ALG12: variants seen among roughly 807,000 people sequenced by gnomAD.
ALG12 encodes dol-P-Man:Man(7)GlcNAc(2)-PP-Dol alpha-1,6-mannosyltransferase.
ALG12 carries 36 observed loss-of-function variants against 46.0 expected under a neutral mutation model. That is an observed-to-expected ratio of 0.78 (90% CI 0.60 to 1.03). The LOEUF is 1.03. ALG12 is among the 50% of genes least tolerant of loss of function. ALG12 has a pLI of 0.00. For missense variants in ALG12, 599 were observed against 633.5 expected, an observed-to-expected ratio of 0.95 and a Z score of 0.58; for synonymous variants, 326 against 291.6, an observed-to-expected ratio of 1.12 and a Z score of -1.20.
At chr22:49,910,997 G>A (rs1211643022) in intron 3 of ALG12, among the ~76,000 whole-genome samples, 2 of 152,228 alleles carry the variant, frequency 1.3e-5, no homozygotes, top group Non-Finnish European at 2.9e-5. Context: ...CCATGAGGAG[G>A]TGGGATGTGG....
chr22:49,876,670 G>T, the ALG12 span, among the ~76,000 whole-genome samples: 1 of 151,872 alleles, frequency 6.6e-6, no homozygotes. Flanking sequence ...ATACTCACCG[G>T]CAGTGCTTGC....
the ALG12 span, among the ~76,000 whole-genome samples, chr22:49,872,947 C>T: frequency 2.0e-5 from 3 of 152,158 alleles, no homozygotes; most frequent in Non-Finnish European, 2.9e-5. Flanking sequence ...CCACCCGCCT[C>T]GGCCTCCCAA....
At chr22:49,864,740 GGGCCCAGGAGTTTGAGGCTACA>G in the ALG12 span, among the ~76,000 whole-genome samples, 4 of 142,532 alleles carry the variant, frequency 2.8e-5, no homozygotes, top group South Asian at 4.7e-4. Flanking sequence ...AGGATTGCTT[GGGCCCAGGAGTTTGAGGCTACA>G]GTGAGCTGAG....
chr22:49,859,456 C>T, the ALG12 span, among the ~76,000 whole-genome samples: 5 of 152,102 alleles, frequency 3.3e-5, no homozygotes, highest in South Asian at 2.1e-4. Flanking sequence ...TCACTCCATA[C>T]GTGGTCCTGG....
At chr22:49,913,896 G>A (rs976982604) in intron 1 of ALG12, 53 bp from the exon 2 acceptor site, 79 of 1,195,160 alleles carry the variant, frequency 6.6e-5, no homozygotes, top group South Asian at 4.1e-4. Context: ...TTGCGCTCAC[G>A]TTTGGGAGAT....
chr22:49,897,374 G>A (rs2060487455), downstream of ALG12, among the ~76,000 whole-genome samples: 1 of 152,196 alleles, frequency 6.6e-6, no homozygotes, highest in Non-Finnish European at 1.5e-5. Flanking sequence ...CAGGGTAAGA[G>A]TATGCTTAGT....
chr22:49,864,962 G>C, the ALG12 span, among the ~76,000 whole-genome samples: 1 of 57,110 alleles, frequency 1.8e-5, no homozygotes. Context: ...CGTGAAGTCA[G>C]AAACCACGGA....
chr22:49,882,133 C>G, the ALG12 span, among the ~76,000 whole-genome samples: 1 of 152,208 alleles, frequency 6.6e-6, no homozygotes, highest in African/African-American at 2.4e-5. Context: ...TCGGGTTCAG[C>G]TCCTCCCTGT....
At chr22:49,888,643 T>C in the ALG12 span, 1 of 167,274 alleles carries the variant, frequency 6.0e-6, no homozygotes, top group South Asian at 2.1e-4. Flanking sequence ...AGGTCTCGTG[T>C]TCAAGTGGTG....
chr22:49,877,838 C>G, the ALG12 span, among the ~76,000 whole-genome samples: 18 of 152,278 alleles, frequency 1.2e-4, no homozygotes, highest in African/African-American at 4.3e-4. Flanking sequence ...CAGCACAGAC[C>G]TGCCCTTTGG....
At chr22:49,870,227 T>G in the ALG12 span, among the ~76,000 whole-genome samples, 2 of 152,246 alleles carry the variant, frequency 1.3e-5, no homozygotes, top group Admixed American at 6.5e-5. Flanking sequence ...AGTCCACCAT[T>G]GCTAGGCACG....
At position 49,905,147 on chromosome 22, in the gene ALG12, G is replaced by A. The variant is rs1016469925; in HGVS notation, c.993-641C>T. On this transcript the variant is annotated intron_variant, in intron 7 of 9. Coordinates refer to ENST00000330817, the MANE Select transcript of ALG12 (RefSeq NM_024105.4). This position sits in a 1 kb window ranked among gnomAD's most constrained non-coding sequence, Gnocchi z 4.9. ...AGTGAACTCTCTGGGACAGGGTGCC[G>A]CCGGTTCTCTCACAATCGACTATGC... 1.3e-5 allele frequency among the ~76,000 whole-genome samples: 2 copies of A among 152,098 alleles called. No homozygotes were observed. Among genetic ancestry groups the A allele is most frequent in the African/African-American group, 2.4e-5 (1 of 41,428 alleles).
intron 1 of ALG12, among the ~76,000 whole-genome samples, chr22:49,916,202 G>A (rs760536807): frequency 2.6e-5 from 4 of 152,082 alleles, no homozygotes; most frequent in African/African-American, 7.2e-5. Context: ...GCAGTGAGCC[G>A]AGATCGCGCC....
intron 3 of ALG12, among the ~76,000 whole-genome samples, chr22:49,913,075 T>C (rs1322360008): frequency 6.6e-6 from 1 of 152,218 alleles, no homozygotes; most frequent in Non-Finnish European, 1.5e-5. Context: ...GTTGACCCCA[T>C]GGGGGCTTGC....
rs1297618886 is a variant in ALG12, at chr22:49,917,967, G to GGCCCCAGGTGAGAGGTCCA, written c.-79+277_-79+295dup. Among the ~76,000 whole-genome samples the GGCCCCAGGTGAGAGGTCCA allele has an allele frequency of 2.0e-4, 28 of 139,900 alleles. 1 individual carries two copies. The highest frequency in any genetic ancestry group is 2.7e-4 in the Non-Finnish European group (17 of 63,842). The allele number at this position is 139,900 out of a possible 152,430, so 91.8% of individuals were successfully genotyped here. On this transcript the variant is annotated intron_variant, in intron 1 of 9. Transcript: ENST00000330817. ...AGGTCCGGCCCCAGGTGAGGAGCCCGGCCCCAGGTGAGAGGTCCAGCCCCA... is the reference window on the plus strand; with the variant it reads ...AGGTCCGGCCCCAGGTGAGGAGCCCGGCCCCAGGTGAGAGGTCCAGCCCCAGGTGAGAGGTCCAGCCCCA...
chr22:49,908,049 G>A, intron 6 of ALG12, 105 bp from the exon 7 acceptor site: 1 of 1,171,186 alleles, frequency 8.5e-7, no homozygotes, highest in South Asian at 1.4e-5. Flanking sequence ...TGTGCTGAGA[G>A]ATGCAGCCTG....
the ALG12 span, among the ~76,000 whole-genome samples, chr22:49,890,935 C>G: frequency 2.6e-4 from 40 of 151,652 alleles, no homozygotes. Context: ...AAGGCTGAGG[C>G]AGGAGAATGG....
At chr22:49,887,830 CATGG>C in the ALG12 span, 1 of 167,278 alleles carries the variant, frequency 6.0e-6, no homozygotes, top group Non-Finnish European at 1.5e-5. Flanking sequence ...TCAGGCTTTA[CATGG>C]TCAGTTAACT....
the ALG12 span, chr22:49,890,193 G>C: frequency 4.6e-5 from 7 of 152,370 alleles, no homozygotes; most frequent in East Asian, 1.4e-3. Context: ...TGTAGTCCCA[G>C]CTACTTGGGA....
Sources: gnomAD v4.1 joint callset for allele counts (sites outside exome capture counted in the v4.1 genomes callset) on GRCh38, gnomAD v4.1.1 for gene constraint, Gnocchi (gnomAD v3.1) non-coding constraint, MANE v1.5 for transcripts, NCBI Gene and HGNC (gene_info 2026-07-23, HGNC 2026-07-21) for gene names.